NUP210: variants seen among roughly 807,000 people sequenced by gnomAD.
The protein encoded by NUP210 is nuclear pore membrane glycoprotein 210.
NUP210 carries 151 observed loss-of-function variants against 196.0 expected under a neutral mutation model. That is an observed-to-expected ratio of 0.77 (90% CI 0.67 to 0.88). The LOEUF (loss-of-function observed/expected upper bound fraction) is 0.88, where lower values mean the gene tolerates loss of function less well. NUP210 is among the 40% of genes least tolerant of loss of function. The probability of loss-of-function intolerance (pLI) is 0.00; values close to 1 mark genes in which losing one functional copy is unlikely to be tolerated. For synonymous variants in NUP210, 1,070 were observed against 1,052.7 expected, an observed-to-expected ratio of 1.02 and a Z score of -0.32; for missense variants, 2,314 against 2,493.7, an observed-to-expected ratio of 0.93 and a Z score of 1.53.
chr3:13,409,657 T>C (rs1221993740), intron 1 of NUP210, among the ~76,000 whole-genome samples: 2 of 152,030 alleles, frequency 1.3e-5, no homozygotes, highest in Non-Finnish European at 2.9e-5. Context: ...TGGGCCTTAG[T>C]GTAGTCTAGC....
At chr3:13,405,299 G>A (rs1286438076) in intron 1 of NUP210, among the ~76,000 whole-genome samples, 1 of 152,176 alleles carries the variant, frequency 6.6e-6, no homozygotes, top group East Asian at 1.9e-4. Flanking sequence ...CAGTCATTGA[G>A]TGGGGATGTC....
At chr3:13,362,623 T>A (rs1400420257) in intron 14 of NUP210, among the ~76,000 whole-genome samples, 3 of 152,220 alleles carry the variant, frequency 2.0e-5, no homozygotes, top group African/African-American at 7.2e-5. Context: ...ATTTTTGGGA[T>A]CTGATATAGG....
At chr3:13,398,011 C>T (rs960315459) in intron 2 of NUP210, among the ~76,000 whole-genome samples, 1 of 152,130 alleles carries the variant, frequency 6.6e-6, no homozygotes, top group Non-Finnish European at 1.5e-5. Context: ...CCTGGGGAAC[C>T]CTCAAGTGTA....
At chr3:13,393,377 C>A (rs1237962730) in intron 3 of NUP210, among the ~76,000 whole-genome samples, 1 of 152,216 alleles carries the variant, frequency 6.6e-6, no homozygotes, top group Non-Finnish European at 1.5e-5. Flanking sequence ...TCCCCACAGT[C>A]TCTCCTGGAA....
chr3:13,321,734 T>C lies in NUP210; in HGVS notation c.5017A>G (p.Ser1673Gly), dbSNP rs779820023. 6.2e-7 allele frequency: 1 copy of C among 1,614,036 alleles called. No individual in the cohort carries two copies. The highest frequency in any genetic ancestry group is 1.1e-5 in the South Asian group (1 of 91,076). The part of the protein sequence containing the change: ...TALVVSASLS[S>G]SHFSTEQVGA... ...ACCTGCTCTGTGGAGAAGTGGCTGC[T>C]GGAGAGGGAGGCACTGACCACCAGA... Residue 1673 changes from serine (S) to glycine (G), a missense_variant, in exon 36 of 40, where the codon AGC becomes GGC. Physicochemically the swap from Ser to Gly is moderately conservative, Grantham distance 56. Coordinates refer to ENST00000254508, the MANE Select transcript of NUP210 (RefSeq NM_024923.4).
In NUP210 at chr3:13,373,831, G is replaced by C; in HGVS notation, c.1474C>G (p.His492Asp). 6.2e-7 allele frequency: 1 copy of C among 1,614,046 alleles called. No homozygotes were observed. Among genetic ancestry groups the C allele is most frequent in the African/African-American group, 1.3e-5 (1 of 75,052 alleles). ...SGNFSWSSSS[H>D]LVATVTVKGV... ...TTGACAGTAACTGTGGCAACCAGGTGGCTTGACGAAGACCAGCTGAAGTTC... is the reference window on the plus strand; with the variant it reads ...TTGACAGTAACTGTGGCAACCAGGTCGCTTGACGAAGACCAGCTGAAGTTC... Residue 492 changes from histidine to aspartate, a missense_variant, in exon 12 of 40, where the codon CAC becomes GAC. His to Asp is a moderately conservative substitution (Grantham distance 81). Coordinates refer to ENST00000254508, the MANE Select transcript of NUP210 (RefSeq NM_024923.4).
At chr3:13,393,043 A>G (rs2062852) in intron 3 of NUP210, among the ~76,000 whole-genome samples, 88,256 of 152,108 alleles carry the variant, frequency 0.58, 26,863 homozygotes, top group African/African-American at 0.77. Flanking sequence ...TAGGCAGGCC[A>G]CTCCCTTAAC....
rs1699696891 is a variant in NUP210 at position 13,397,438 on chromosome 3, T to C, written c.355A>G (p.Ile119Val). 1 of 1,612,846 alleles carries C rather than the reference T, an allele frequency of 6.2e-7. No individual in the cohort carries two copies. Among genetic ancestry groups the C allele is most frequent in the Non-Finnish European group, 8.5e-7 (1 of 1,179,550 alleles). The change falls in exon 3 of 40, where the codon ATC (isoleucine) becomes GTC (valine). Residue 119 changes from isoleucine to valine, a missense_variant. Ile to Val is a conservative substitution (Grantham distance 29, BLOSUM62 3). Coordinates refer to ENST00000254508, the MANE Select transcript of NUP210 (RefSeq NM_024923.4). The part of the protein sequence containing the change: ...CDAIVDLIHD[I>V]QIVSTTRELY... Reference sequence around the variant, plus strand: ...TCGCGGGTGGTGGAGACGATCTGGATGTCATGGATGAGGTCCACAATGGCA... The same window carrying C: ...TCGCGGGTGGTGGAGACGATCTGGACGTCATGGATGAGGTCCACAATGGCA...
At chr3:13,327,556 G>C in intron 31 of NUP210, 119 bp from the exon 32 acceptor site, 1 of 756,074 alleles carries the variant, frequency 1.3e-6, no homozygotes, top group South Asian at 1.8e-5. Flanking sequence ...TGAGGTCCCA[G>C]GTGTGGCCCC....
chr3:13,326,802 C>T (rs1696771982), intron 32 of NUP210, among the ~76,000 whole-genome samples: 1 of 152,262 alleles, frequency 6.6e-6, no homozygotes, highest in Admixed American at 6.5e-5. Flanking sequence ...CTGAGTGAGA[C>T]TATGCAGAGA....
intron 1 of NUP210, among the ~76,000 whole-genome samples, chr3:13,403,204 A>T (rs1699897640): frequency 6.6e-6 from 1 of 152,216 alleles, no homozygotes; most frequent in Non-Finnish European, 1.5e-5. Flanking sequence ...TGGGGCTGCC[A>T]TGACAAAACA....
intron 17 of NUP210, 118 bp from the exon 18 acceptor site, chr3:13,353,778 G>A: frequency 1.6e-6 from 2 of 1,225,308 alleles, no homozygotes; most frequent in East Asian, 2.4e-5. Context: ...TGTGTGTGTT[G>A]AAACTATGTG....
intron 1 of NUP210, among the ~76,000 whole-genome samples, chr3:13,412,829 G>T (rs1338281807): frequency 9.3e-5 from 14 of 150,842 alleles, no homozygotes; most frequent in Admixed American, 7.9e-4. Context: ...AAATTAGCTG[G>T]GCATGGTGGC....
At chr3:13,369,703 TACCAAAAATCATTTC>T (rs937703867) in intron 13 of NUP210, among the ~76,000 whole-genome samples, 5 of 152,206 alleles carry the variant, frequency 3.3e-5, no homozygotes, top group Admixed American at 6.5e-5. Flanking sequence ...TTGGCACCCT[TACCAAAAATCATTTC>T]ACCATGTACG....
chr3:13,389,192 A>C (rs771435499), intron 4 of NUP210, among the ~76,000 whole-genome samples: 21 of 152,234 alleles, frequency 1.4e-4, no homozygotes, highest in Admixed American at 4.6e-4. Flanking sequence ...GCCAAATTAC[A>C]AATCCAGGAC....
At chr3:13,394,672 C>T (rs1010577933) in intron 3 of NUP210, among the ~76,000 whole-genome samples, 1 of 152,206 alleles carries the variant, frequency 6.6e-6, no homozygotes, top group African/African-American at 2.4e-5. Context: ...CATTTATAAG[C>T]ACAATAAGAC....
chr3:13,408,780 T>C (rs1427922927), intron 1 of NUP210, among the ~76,000 whole-genome samples: 3 of 139,908 alleles, frequency 2.1e-5, no homozygotes, highest in Admixed American at 1.4e-4. Context: ...AGGGAGAGAC[T>C]CTGTCTCAAA....
rs1698742908 is a variant in NUP210, at chr3:13,371,886, G to A, written c.1734C>T (p.His578=). 3.7e-6 allele frequency: 6 copies of A among 1,610,628 alleles called. No individual in the cohort carries two copies. Among genetic ancestry groups the A allele is most frequent in the Non-Finnish European group, 4.2e-6 (5 of 1,178,868 alleles). The change falls in exon 13 of 40, where the codon CAC becomes CAT. Residue 578 remains histidine, a synonymous_variant. Transcript: ENST00000254508. ...TCTCCACCTCGACAGCCAAGTCAAA[G>A]TGGGAGCAGTCGCTCAAGGTGACCA... is the stretch of plus-strand genomic sequence containing the variant. ...SEVVTLSDCS[H]FDLAVEVENQ... is the part of the protein sequence containing the mutation.
intron 21 of NUP210, 65 bp downstream of exon 21, chr3:13,343,110 C>A: frequency 6.3e-7 from 1 of 1,590,918 alleles, no homozygotes; most frequent in Non-Finnish European, 8.6e-7. Context: ...ATTCCTCCCA[C>A]AGTCCCCTCC....
Sources: allele counts gnomAD v4.1 joint callset (sites outside exome capture counted in the v4.1 genomes callset), GRCh38; gene constraint gnomAD v4.1.1; transcripts MANE v1.5; gene names NCBI Gene and HGNC (gene_info 2026-07-23, HGNC 2026-07-21).